ZNF804B: variants seen among roughly 807,000 people sequenced by gnomAD.
ZNF804B encodes the protein zinc finger 804B.
A neutral mutation model predicts 101.4 loss-of-function variants in ZNF804B; 80 were observed. The observed-to-expected ratio is 0.79, with a 90% CI of 0.66 to 0.95. The LOEUF (loss-of-function observed/expected upper bound fraction) is 0.95, where lower values mean the gene tolerates loss of function less well. Among genes scored for constraint, ZNF804B ranks in the 40% least tolerant of loss-of-function variants. The pLI is 0.00. For missense variants in ZNF804B, 1,673 were observed against 1,561.9 expected, an observed-to-expected ratio of 1.07 and a Z score of -1.20; for synonymous variants, 622 against 558.8, an observed-to-expected ratio of 1.11 and a Z score of -1.59.
chr7:89,082,932 AT>A (rs1789717407), intron 1 of ZNF804B, among the ~76,000 whole-genome samples: 1 of 151,776 alleles, frequency 6.6e-6, no homozygotes, highest in Admixed American at 6.6e-5. Context: ...TGATATGTAG[AT>A]AATTACATAT....
intron 1 of ZNF804B, among the ~76,000 whole-genome samples, chr7:89,143,603 A>C (rs1177396881): frequency 6.6e-6 from 1 of 151,800 alleles, no homozygotes; most frequent in Non-Finnish European, 1.5e-5. Flanking sequence ...TTCCCCAAAA[A>C]CTTTTTTAAG....
intron 2 of ZNF804B, among the ~76,000 whole-genome samples, chr7:89,244,778 A>T (rs996945055): frequency 6.6e-6 from 1 of 152,146 alleles, no homozygotes; most frequent in Non-Finnish European, 1.5e-5. Context: ...CAAAGTATGG[A>T]TCAAAACATT....
At position 89,336,851 on chromosome 7, in the gene ZNF804B, C is replaced by T. The variant is rs1791102614; in HGVS notation, c.3869C>T (p.Ala1290Val). The T allele has an allele frequency of 1.2e-6, 2 of 1,614,130 alleles. No homozygotes were observed. The highest frequency in any genetic ancestry group is 2.2e-5 in the South Asian group (2 of 91,088). Reference sequence around the variant, plus strand: ...ACACTTCAGCCTCTGCCCCCTACAGCATTTATTCCTACATTGTTTGGTCCT... The same window carrying T: ...ACACTTCAGCCTCTGCCCCCTACAGTATTTATTCCTACATTGTTTGGTCCT... Reference protein sequence around the residue: ...HITLQPLPPTAFIPTLFGPHL... With the variant: ...HITLQPLPPTVFIPTLFGPHL... Residue 1290 changes from alanine (A) to valine (V), a missense_variant, in exon 4 of 4, where the codon GCA becomes GTA. By Grantham distance (64) the Ala-to-Val change is moderately conservative. Transcript: ENST00000333190.
chr7:89,228,196 C>T lies in ZNF804B; in HGVS notation c.249+9901C>T, dbSNP rs181613186. Among the ~76,000 whole-genome samples the T allele has an allele frequency of 4.8e-4, 73 of 152,150 alleles. 1 individual carries two copies. The highest frequency in any genetic ancestry group is 1.1e-3 in the African/African-American group (47 of 41,526). On this transcript the variant is annotated intron_variant, in intron 2 of 3. Coordinates refer to ENST00000333190, the MANE Select transcript of ZNF804B (RefSeq NM_181646.5). ...GCTCAGGAGTGAAGCTGCAGACCTT[C>T]GCAGTGAGTGTTACAGCTCATAAAG... is the stretch of plus-strand genomic sequence containing the variant.
At chr7:89,077,331 A>G (rs889576719) in intron 1 of ZNF804B, among the ~76,000 whole-genome samples, 1 of 152,170 alleles carries the variant, frequency 6.6e-6, no homozygotes. Context: ...AAATGAGGAA[A>G]GTGAAGAAAG....
At position 88,795,296 on chromosome 7, in the gene ZNF804B, G is replaced by T. The variant is rs528175428; in HGVS notation, c.108+35212G>T. The stretch of plus-strand genomic sequence containing the variant: ...TTTATAAGCCAAATTTTTTAAAAAT[G>T]GTATTTTATGGTAATTCTTCCAGTT... On this transcript the variant is annotated intron_variant, in intron 1 of 3. Transcript: ENST00000333190. 2.8e-3 allele frequency among the ~76,000 whole-genome samples: 431 copies of T among 151,966 alleles called. 3 individuals carry two copies. The highest frequency in any genetic ancestry group is 0.017 in the Middle Eastern group (5 of 288).
At chr7:88,953,792 G>T (rs959892024) in intron 1 of ZNF804B, among the ~76,000 whole-genome samples, 1 of 151,544 alleles carries the variant, frequency 6.6e-6, no homozygotes, top group Non-Finnish European at 1.5e-5. Flanking sequence ...AAAATAAGGA[G>T]GATTTTCATT....
chr7:89,275,926 C>T (rs536865913), intron 2 of ZNF804B, among the ~76,000 whole-genome samples: 1 of 151,726 alleles, frequency 6.6e-6, no homozygotes, highest in East Asian at 1.9e-4. Context: ...ACCCAAACGC[C>T]CATCAGTGAT....
At chr7:89,034,713 A>C (rs1788897753) in intron 1 of ZNF804B, among the ~76,000 whole-genome samples, 1 of 152,122 alleles carries the variant, frequency 6.6e-6, no homozygotes, top group Non-Finnish European at 1.5e-5. Flanking sequence ...ATATACATAC[A>C]TGTGCATATA....
At chr7:88,783,880 G>A (rs917161688) in intron 1 of ZNF804B, among the ~76,000 whole-genome samples, 1 of 152,058 alleles carries the variant, frequency 6.6e-6, no homozygotes, top group East Asian at 1.9e-4. Flanking sequence ...TTATCATTTT[G>A]TTATGAATGT....
chr7:89,060,622 C>T (rs754003431), intron 1 of ZNF804B, among the ~76,000 whole-genome samples: 1 of 152,108 alleles, frequency 6.6e-6, no homozygotes, highest in Non-Finnish European at 1.5e-5. Context: ...GTTATTTAAT[C>T]ATATATTAAT....
chr7:88,940,381 G>C (rs892680317), intron 1 of ZNF804B, among the ~76,000 whole-genome samples: 1 of 151,938 alleles, frequency 6.6e-6, no homozygotes, highest in Non-Finnish European at 1.5e-5. Flanking sequence ...ATAAAAATTA[G>C]ATAAGTATTC....
intron 1 of ZNF804B, among the ~76,000 whole-genome samples, chr7:88,994,809 A>T (rs1381738434): frequency 6.6e-6 from 1 of 151,978 alleles, no homozygotes; most frequent in Non-Finnish European, 1.5e-5. Flanking sequence ...TCATTAATCT[A>T]ATTGGGTCAT....
intron 1 of ZNF804B, among the ~76,000 whole-genome samples, chr7:88,968,364 A>G (rs1793486910): frequency 1.3e-5 from 2 of 151,456 alleles, no homozygotes; most frequent in African/African-American, 4.8e-5. Flanking sequence ...TCTTTTTCTG[A>G]TTGTATCATT....
chr7:88,780,679 A>T (rs1057466045), intron 1 of ZNF804B, among the ~76,000 whole-genome samples: 2 of 152,144 alleles, frequency 1.3e-5, no homozygotes, highest in African/African-American at 4.8e-5. Flanking sequence ...AAGCCACTGC[A>T]TGTGGCCTAA....
At chr7:88,953,260 T>C (rs778019769) in intron 1 of ZNF804B, among the ~76,000 whole-genome samples, 35 of 151,856 alleles carry the variant, frequency 2.3e-4, no homozygotes, top group Non-Finnish European at 1.8e-4. Flanking sequence ...TCTGATTTGC[T>C]CTGAAACATG....
chr7:88,771,232 AG>A (rs1319220713), intron 1 of ZNF804B, among the ~76,000 whole-genome samples: 2 of 152,128 alleles, frequency 1.3e-5, no homozygotes, highest in African/African-American at 4.8e-5. Context: ...TAGGGAAAAA[AG>A]CATTAGTTTT....
intron 2 of ZNF804B, among the ~76,000 whole-genome samples, chr7:89,269,108 C>A (rs537410918): frequency 6.6e-6 from 1 of 152,070 alleles, no homozygotes; most frequent in African/African-American, 2.4e-5. Flanking sequence ...TACATGTGCA[C>A]AACATGCAGG....
chr7:89,066,429 A>G (rs1384453420), intron 1 of ZNF804B, among the ~76,000 whole-genome samples: 1 of 152,100 alleles, frequency 6.6e-6, no homozygotes, highest in African/African-American at 2.4e-5. Context: ...GAGGGGAATC[A>G]GTGTTCAAAA....
Sources: gnomAD v4.1 joint callset for allele counts (sites outside exome capture counted in the v4.1 genomes callset) on GRCh38, gnomAD v4.1.1 for gene constraint, MANE v1.5 for transcripts, NCBI Gene and HGNC (gene_info 2026-07-23, HGNC 2026-07-21) for gene names.